Variants in SLC25A17 observed in about 807,000 individuals in gnomAD.
SLC25A17 encodes the protein solute carrier family 25 member 17.
A neutral mutation model predicts 38.5 loss-of-function variants in SLC25A17; 26 were observed. The observed-to-expected ratio is 0.68, with a 90% confidence interval of 0.50 to 0.94. The LOEUF (loss-of-function observed/expected upper bound fraction) is 0.94. Ranked by LOEUF, SLC25A17 falls within the 40% of genes least tolerant of loss-of-function variation. SLC25A17 has a pLI of 0.00. For missense variants in SLC25A17, 333 were observed against 372.7 expected (o/e 0.89, Z 0.88); for synonymous variants, 139 against 136.2 (o/e 1.02, Z -0.14).
chr22:40,790,422 T>C (rs1198450710), intron 4 of SLC25A17, among the ~76,000 whole-genome samples: 1 of 149,450 alleles, frequency 6.7e-6, no homozygotes, highest in Non-Finnish European at 1.5e-5. Flanking sequence ...CTATTTATTA[T>C]ATGTGTTACT....
At position 40,789,279 on chromosome 22, in the gene SLC25A17, C is replaced by T. The variant is rs117904694; in HGVS notation, c.334+3246G>A. ...TCTGCTCGAGGCATGGGCTGCAGCC[C>T]GGTCCCTGCGTCCTACAGAGACACC... is the stretch of plus-strand genomic sequence containing the variant. On this transcript the variant is annotated intron_variant, in intron 4 of 8. Coordinates refer to ENST00000435456, the MANE Select transcript of SLC25A17 (RefSeq NM_006358.4). This position sits in a 1 kb window ranked among gnomAD's most constrained non-coding sequence, Gnocchi z 4.5. 6.5e-3 allele frequency: 1,038 copies of T among 160,456 alleles called. 10 individuals are homozygous for T. The highest frequency in any genetic ancestry group is 0.02 in the African/African-American group (829 of 41,634). 9.9% of individuals were successfully genotyped at this position (160,456 alleles called of 1,614,324 possible).
chr22:40,792,301 T>C (rs9623236), intron 4 of SLC25A17, among the ~76,000 whole-genome samples: 2,809 of 152,194 alleles, frequency 0.018, 81 homozygotes, highest in African/African-American at 0.063. Flanking sequence ...TACTGGAGAT[T>C]TGTTTCATAA....
chr22:40,819,262 C>G lies in SLC25A17; in HGVS notation c.-14G>C. On this transcript the variant is annotated 5_prime_UTR_variant, in exon 1 of 9. Coordinates refer to ENST00000435456, the MANE Select transcript of SLC25A17 (RefSeq NM_006358.4). The stretch of plus-strand genomic sequence containing the variant: ...CACGGAAGCCATTGGTGCGGCTCCT[C>G]GAAGACCCAGCCACACTTTTCCCAC... 1.9e-6 allele frequency: 3 copies of G among 1,613,638 alleles called. No homozygotes were observed. Among genetic ancestry groups the G allele is most frequent in the African/African-American group, 1.3e-5 (1 of 75,054 alleles).
rs1486607236 is a variant in SLC25A17, at chr22:40,770,155, T to C, written c.*679A>G. 6.6e-6 allele frequency: 1 copy of C among 152,226 alleles called. No individual in the cohort carries two copies. The highest frequency in any genetic ancestry group is 1.9e-4 in the East Asian group (1 of 5,198). 9.4% of individuals were successfully genotyped at this position (152,226 alleles called of 1,614,324 possible). On this transcript the variant is annotated 3_prime_UTR_variant, in exon 9 of 9. Transcript: ENST00000435456. ...GAATGGACACAAAACTTCAAGTCTT[T>C]CGTAATGAAAGGATTGATTCAAAAT...
At position 40,780,706 on chromosome 22, in the gene SLC25A17, C is replaced by T. The variant is rs189824123; in HGVS notation, c.335-1581G>A. Among the ~76,000 whole-genome samples, 138 of 152,244 alleles carry T rather than the reference C, an allele frequency of 9.1e-4. No individual in the cohort carries two copies. In the Middle Eastern group the frequency reaches 0.017, roughly 19 times the overall value. ...CTCAGGACCAGAGATCACAAGCTTC[C>T]ACAGATACCGTAGAAAGGTATAGTG... is the stretch of plus-strand genomic sequence containing the variant. On this transcript the variant is annotated intron_variant, in intron 4 of 8. Coordinates refer to ENST00000435456, the MANE Select transcript of SLC25A17 (RefSeq NM_006358.4).
intron 3 of SLC25A17, 91 bp from the exon 4 acceptor site, chr22:40,792,767 T>C (rs1321003698): frequency 9.6e-6 from 13 of 1,357,630 alleles, no homozygotes; most frequent in Non-Finnish European, 1.2e-5. Context: ...ATCATTCACA[T>C]GGTCTCAAGC....
At chr22:40,785,551 T>C (rs1387970916) in intron 4 of SLC25A17, among the ~76,000 whole-genome samples, 1 of 152,134 alleles carries the variant, frequency 6.6e-6, no homozygotes, top group African/African-American at 2.4e-5. Context: ...GTGTTTAGGA[T>C]GAAGAAGTCA....
intron 4 of SLC25A17, chr22:40,784,659 A>G: frequency 5.9e-6 from 1 of 169,196 alleles, no homozygotes; most frequent in South Asian, 1.1e-4. Context: ...CTGTAGTCCT[A>G]GCTACTGGGG....
chr22:40,773,203 A>G (rs2057202578), intron 8 of SLC25A17, among the ~76,000 whole-genome samples: 2 of 151,958 alleles, frequency 1.3e-5, no homozygotes, highest in African/African-American at 2.4e-5. Context: ...AGGTCAGGAG[A>G]TCAAGACCAT....
intron 4 of SLC25A17, among the ~76,000 whole-genome samples, chr22:40,787,314 A>G (rs1384862311): frequency 1.3e-5 from 2 of 152,210 alleles, no homozygotes; most frequent in Admixed American, 1.3e-4. Context: ...ATGGAAGTAC[A>G]CCCATACCAT....
At chr22:40,779,175 T>C (rs1569400656) in intron 4 of SLC25A17, 50 bp from the exon 5 acceptor site, 3 of 1,613,658 alleles carry the variant, frequency 1.9e-6, no homozygotes, top group Non-Finnish European at 2.5e-6. Flanking sequence ...TGTCAGCTTT[T>C]AAGCTTTGCT....
In SLC25A17 at chr22:40,800,273, C is replaced by A. The variant is rs955233653; in HGVS notation, c.55-1190G>T. Among the ~76,000 whole-genome samples, 12 of 152,274 alleles carry A rather than the reference C, an allele frequency of 7.9e-5. No homozygotes were observed. The South Asian group carries it at 2.5e-3, about 32-fold the overall frequency. ...ATATATTTAGGGATGAAACTATATACATGAAACTTCCATTTTGGTTTATGG... is the reference window on the plus strand; with the variant it reads ...ATATATTTAGGGATGAAACTATATAAATGAAACTTCCATTTTGGTTTATGG... On this transcript the variant is annotated intron_variant, in intron 1 of 8. Transcript: ENST00000435456.
At chr22:40,771,901 G>C (rs1408873499) in intron 8 of SLC25A17, among the ~76,000 whole-genome samples, 1 of 151,576 alleles carries the variant, frequency 6.6e-6, no homozygotes, top group Non-Finnish European at 1.5e-5. Context: ...TGAGAGGATA[G>C]ATACCCCATT....
At chr22:40,778,214 A>G (rs2057263950) in intron 5 of SLC25A17, among the ~76,000 whole-genome samples, 1 of 152,188 alleles carries the variant, frequency 6.6e-6, no homozygotes, top group African/African-American at 2.4e-5. Flanking sequence ...AAAAGTATAG[A>G]TCATTCTTCA....
intron 1 of SLC25A17, among the ~76,000 whole-genome samples, chr22:40,809,325 T>C (rs895094520): frequency 5.9e-5 from 9 of 151,628 alleles, no homozygotes; most frequent in African/African-American, 1.7e-4. Flanking sequence ...ACCACATCTC[T>C]TTAAAAAAAC....
chr22:40,807,472 A>T (rs2057540128), intron 1 of SLC25A17, among the ~76,000 whole-genome samples: 1 of 152,198 alleles, frequency 6.6e-6, no homozygotes. Flanking sequence ...ATTAGAGGCC[A>T]GGTGCGGTGG....
chr22:40,772,927 C>T lies in SLC25A17; in HGVS notation c.776+1010G>A, dbSNP rs184493390. 3.6e-3 allele frequency among the ~76,000 whole-genome samples: 555 copies of T among 152,306 alleles called. 1 individual carries two copies. The highest frequency in any genetic ancestry group is 0.013 in the South Asian group (65 of 4,824). On this transcript the variant is annotated intron_variant, in intron 8 of 8. Transcript: ENST00000435456. ...GTGTTGGGATTACAGGCATGAGCCA[C>T]TTTGCCTGGCTGCATATTTTATTTT...
At chr22:40,817,732 A>G (rs1286211565) in intron 1 of SLC25A17, among the ~76,000 whole-genome samples, 1 of 152,158 alleles carries the variant, frequency 6.6e-6, no homozygotes, top group East Asian at 1.9e-4. Flanking sequence ...CTCTCAACAC[A>G]GCAGCCAGGG....
At chr22:40,783,203 T>C (rs539217762) in intron 4 of SLC25A17, among the ~76,000 whole-genome samples, 146 of 152,322 alleles carry the variant, frequency 9.6e-4, no homozygotes, top group Non-Finnish European at 1.5e-3. Context: ...TAACAAAGGA[T>C]TGTAAAATTC....
Sources: gnomAD v4.1 joint callset for allele counts (sites outside exome capture counted in the v4.1 genomes callset) on GRCh38, gnomAD v4.1.1 for gene constraint, Gnocchi (gnomAD v3.1) non-coding constraint, MANE v1.5 for transcripts, NCBI Gene and HGNC (gene_info 2026-07-23, HGNC 2026-07-21) for gene names.